The following PRRC2C variants were observed in gnomAD, a reference collection of about 807,000 sequenced individuals.
The protein encoded by PRRC2C is protein PRRC2C.
In PRRC2C, 72 loss-of-function variants were observed where a neutral mutation model predicts 317.2. The ratio of observed to expected loss-of-function variants is 0.23; its 90% CI spans 0.19 to 0.28. The LOEUF is 0.28. PRRC2C is among the 10% of genes least tolerant of loss of function. The probability of loss-of-function intolerance (pLI) is 1.00; values close to 1 mark genes in which losing one functional copy is unlikely to be tolerated. For synonymous variants in PRRC2C, 1,296 were observed against 1,205.9 expected (o/e 1.07, Z -1.55); for missense variants, 3,074 against 3,459.7 (o/e 0.89, Z 2.80).
rs2038041 is a variant in PRRC2C at position 171,566,434 on chromosome 1, T to A, written c.6306+13T>A. 7 of 1,542,044 alleles carry A rather than the reference T, an allele frequency of 4.5e-6. No individual in the cohort carries two copies. Among genetic ancestry groups the A allele is most frequent in the Middle Eastern group, 1.7e-4 (1 of 5,928 alleles). On this transcript the variant is annotated intron_variant, in intron 21 of 34. Transcript: ENST00000647382. ...CAAAGCCCAGAAGGTAAATATACTTTATAATCCAGATAAAATTTTATGAAG... is the reference window on the plus strand; with the variant it reads ...CAAAGCCCAGAAGGTAAATATACTTAATAATCCAGATAAAATTTTATGAAG...
chr1:171,542,372 C>T, intron 16 of PRRC2C, 143 bp downstream of exon 16: 1 of 825,404 alleles, frequency 1.2e-6, no homozygotes, highest in Non-Finnish European at 1.8e-6. Flanking sequence ...TCTCTGTTCT[C>T]AAAGTGTAAG....
chr1:171,584,057 C>G lies in PRRC2C; in HGVS notation c.7511C>G (p.Ala2504Gly), dbSNP rs1413222584. The G allele has an allele frequency of 6.2e-7, 1 of 1,613,936 alleles. No individual in the cohort carries two copies. Among genetic ancestry groups the G allele is most frequent in the Admixed American group, 1.7e-5 (1 of 60,020 alleles). ...NFPTVQHQEL[A>G]KAQSGLAFQQ... ...CCAACTGTCCAACACCAAGAACTTGCCAAGGCACAATCCGGTCTTGCCTTT... is the reference window on the plus strand; with the variant it reads ...CCAACTGTCCAACACCAAGAACTTGGCAAGGCACAATCCGGTCTTGCCTTT... The change falls in exon 29 of 35, where the codon GCC becomes GGC. Residue 2504 changes from alanine to glycine, a missense_variant. Physicochemically the swap from Ala to Gly is moderately conservative, Grantham distance 60. Transcript: ENST00000647382.
At chr1:171,544,223 A>G (rs577033856) in intron 16 of PRRC2C, among the ~76,000 whole-genome samples, 12 of 152,252 alleles carry the variant, frequency 7.9e-5, no homozygotes, top group East Asian at 5.8e-4. Context: ...CGCTGGGTTC[A>G]AGCATTTCTC....
intron 19 of PRRC2C, among the ~76,000 whole-genome samples, chr1:171,559,539 T>TTTTTTA (rs1291271104): frequency 8.6e-6 from 1 of 116,710 alleles, no homozygotes; most frequent in African/African-American, 3.2e-5. Context: ...TTTTTTTTTT[T>TTTTTTA]TGAGACAGTT....
Position 171,587,126 on chromosome 1 carries a change from G to C in PRRC2C, c.7873G>C (p.Ala2625Pro), listed in dbSNP as rs1240546872. ...PLQHTTPQAQ[A>P]QSLSRPAQVS... ...ACAGCATACCACTCCCCAAGCACAGGCTCAGAGTCTGAGTCGTCCTGCACA... is the reference window on the plus strand; with the variant it reads ...ACAGCATACCACTCCCCAAGCACAGCCTCAGAGTCTGAGTCGTCCTGCACA... Residue 2625 changes from alanine to proline, a missense_variant, in exon 31 of 35, where the codon GCT becomes CCT. By Grantham distance (27) the Ala-to-Pro change is conservative (BLOSUM62 -1). Transcript: ENST00000647382. The C allele has an allele frequency of 4.3e-6, 7 of 1,611,186 alleles. No individual in the cohort carries two copies. In the Admixed American group the frequency reaches 6.7e-5, roughly 15 times the overall value.
intron 17 of PRRC2C, among the ~76,000 whole-genome samples, chr1:171,547,629 C>G (rs943647436): frequency 5.4e-5 from 8 of 147,208 alleles, no homozygotes; most frequent in Non-Finnish European, 7.4e-5. Context: ...ATCAAGTTTC[C>G]CTTCTTTTTT....
chr1:171,493,870 T>C (rs1667622486), intron 1 of PRRC2C, among the ~76,000 whole-genome samples: 1 of 152,264 alleles, frequency 6.6e-6, no homozygotes, highest in African/African-American at 2.4e-5. Flanking sequence ...TTGCAAATAT[T>C]GATTACCACT....
At position 171,546,015 on chromosome 1, in the gene PRRC2C, G is replaced by A. The variant is rs1270265543; in HGVS notation, c.4972+328G>A. 1.7e-4 allele frequency among the ~76,000 whole-genome samples: 9 copies of A among 52,564 alleles called. No individual in the cohort carries two copies. In the South Asian group the frequency reaches 7.9e-3, roughly 46 times the overall value. 34.5% of individuals were successfully genotyped at this position (52,564 alleles called of 152,430 possible). ...CAGATTTGAGAAAGCACAGAAATTT[G>A]ATTCTTAGTTATATTGGTATAGATG... On this transcript the variant is annotated intron_variant, in intron 17 of 34. Transcript: ENST00000647382.
In PRRC2C at chr1:171,541,363, A is replaced by T. The variant is rs1677911802; in HGVS notation, c.3897A>T (p.Lys1299Asn). 2 of 1,611,702 alleles carry T rather than the reference A, an allele frequency of 1.2e-6. No homozygotes were observed. The highest frequency in any genetic ancestry group is 1.7e-6 in the Non-Finnish European group (2 of 1,179,362). ...PKREERPENK[K>N]PVKPHSSFKP... ...GAGAGGAACGGCCTGAAAACAAAAA[A>T]CCTGTAAAGCCTCATTCTTCTTTCA... is the stretch of plus-strand genomic sequence containing the variant. Residue 1299 changes from lysine (K) to asparagine (N), a missense_variant, in exon 16 of 35, where the codon AAA becomes AAT. Lys to Asn is a moderately conservative substitution (Grantham distance 94). Around this residue, in one of 11 missense-constraint regions of PRRC2C, gnomAD observed 1,320 missense variants for 1,395.7 expected, o/e 0.95. Transcript: ENST00000647382. This position sits in a 1 kb window ranked among gnomAD's most constrained non-coding sequence, Gnocchi z 4.1.
intron 16 of PRRC2C, among the ~76,000 whole-genome samples, chr1:171,543,199 C>T (rs1216662672): frequency 2.6e-5 from 4 of 151,160 alleles, no homozygotes; most frequent in African/African-American, 9.7e-5. Context: ...GAAACCCCGT[C>T]CTCTACTAAA....
In PRRC2C at chr1:171,542,045, G is replaced by A. The variant is rs1318848833; in HGVS notation, c.4579G>A (p.Val1527Ile). The change falls in exon 16 of 35, where the codon GTA (valine) becomes ATA (isoleucine). Residue 1527 changes from valine (V) to isoleucine (I), a missense_variant. Physicochemically the swap from Val to Ile is conservative, Grantham distance 29 (BLOSUM62 3). Around this residue, in one of 11 missense-constraint regions of PRRC2C, gnomAD observed 178 missense variants for 163.0 expected, o/e 1.09. Coordinates refer to ENST00000647382, the MANE Select transcript of PRRC2C (RefSeq NM_001387844.1). ...TGCTGACTTGAATGCACAAACAGTT[G>A]TAAAGGTTGGAGAGAATGTTCTACC... Reference protein sequence around the residue: ...KNADLNAQTVVKVGENVLPPK... With the variant: ...KNADLNAQTVIKVGENVLPPK... 1.2e-6 allele frequency: 2 copies of A among 1,613,962 alleles called. No homozygotes were observed. Among genetic ancestry groups the A allele is most frequent in the South Asian group, 2.2e-5 (2 of 91,076 alleles).
intron 1 of PRRC2C, among the ~76,000 whole-genome samples, chr1:171,496,982 G>A (rs894570260): frequency 6.6e-6 from 1 of 151,876 alleles, no homozygotes; most frequent in African/African-American, 2.4e-5. Context: ...GTAGAGACAA[G>A]GTCTCTCCAT....
intron 3 of PRRC2C, chr1:171,513,448 T>A: frequency 1.9e-6 from 1 of 531,190 alleles, no homozygotes. Flanking sequence ...TACCACCAAC[T>A]CAGGTATTCC....
chr1:171,508,733 T>A (rs1166502183), intron 1 of PRRC2C, among the ~76,000 whole-genome samples: 1 of 152,260 alleles, frequency 6.6e-6, no homozygotes, highest in Non-Finnish European at 1.5e-5. Flanking sequence ...GACATTTTAA[T>A]ACGCTTGCTT....
intron 1 of PRRC2C, among the ~76,000 whole-genome samples, chr1:171,500,496 A>C (rs1483380738): frequency 6.6e-6 from 1 of 151,934 alleles, no homozygotes; most frequent in Non-Finnish European, 1.5e-5. Flanking sequence ...ACTTCTGCTG[A>C]GGCTGTCCTC....
At chr1:171,513,304 T>A in intron 3 of PRRC2C, 132 bp downstream of exon 3, 1 of 1,035,894 alleles carries the variant, frequency 9.7e-7, no homozygotes, top group South Asian at 1.6e-5. Context: ...CTTTAAAGTC[T>A]TTTGACTATA....
chr1:171,559,373 G>C (rs1682110166), intron 19 of PRRC2C, among the ~76,000 whole-genome samples: 3 of 152,054 alleles, frequency 2.0e-5, no homozygotes, highest in Non-Finnish European at 2.9e-5. Flanking sequence ...TGAAGCTGAA[G>C]CCCCTGCTCA....
chr1:171,489,879 C>T (rs1409671423), intron 1 of PRRC2C, among the ~76,000 whole-genome samples: 2 of 152,146 alleles, frequency 1.3e-5, no homozygotes, highest in African/African-American at 2.4e-5. Flanking sequence ...TATTTTTCTT[C>T]AATTCAACTT....
At chr1:171,589,152 A>G (rs749498561) in intron 33 of PRRC2C, among the ~76,000 whole-genome samples, 10 of 152,180 alleles carry the variant, frequency 6.6e-5, no homozygotes, top group Non-Finnish European at 1.5e-4. Flanking sequence ...CTGAAGTGCC[A>G]TAGCATGCTT....
Sources: allele counts gnomAD v4.1 joint callset (sites outside exome capture counted in the v4.1 genomes callset), GRCh38; gene constraint gnomAD v4.1.1; regional missense constraint gnomAD v4.1.1; non-coding constraint Gnocchi (gnomAD v3.1); transcripts MANE v1.5; gene names NCBI Gene and HGNC (gene_info 2026-07-23, HGNC 2026-07-21).